Variants in PTPRN2 observed in about 807,000 individuals in gnomAD.
PTPRN2 encodes receptor-type tyrosine-protein phosphatase N2.
A neutral mutation model predicts 118.8 loss-of-function variants in PTPRN2; 74 were observed. The ratio of observed to expected loss-of-function variants is 0.62; its 90% CI spans 0.52 to 0.76. PTPRN2 has a LOEUF of 0.76. Among genes scored for constraint, PTPRN2 ranks in the 30% least tolerant of loss-of-function variants. The pLI is 0.00. For synonymous variants in PTPRN2, 641 were observed against 608.0 expected, an observed-to-expected ratio of 1.05 and a Z score of -0.80; for missense variants, 1,481 against 1,394.4, an observed-to-expected ratio of 1.06 and a Z score of -0.99.
chr7:157,625,796 C>T (rs1439174255), intron 14 of PTPRN2, among the ~76,000 whole-genome samples: 2 of 152,012 alleles, frequency 1.3e-5, no homozygotes, highest in Non-Finnish European at 2.9e-5. Context: ...TAGATGAGTG[C>T]ATGTGTGAGA....
intron 19 of PTPRN2, among the ~76,000 whole-genome samples, chr7:157,575,201 G>A (rs944993852): frequency 3.3e-5 from 5 of 152,192 alleles, no homozygotes; most frequent in Admixed American, 6.5e-5. Flanking sequence ...ATGAATTGCC[G>A]TCTTTGTAGT....
At chr7:158,472,723 G>A (rs1819951981) in intron 2 of PTPRN2, among the ~76,000 whole-genome samples, 1 of 152,166 alleles carries the variant, frequency 6.6e-6, no homozygotes, top group Non-Finnish European at 1.5e-5. Context: ...TCAAAAGACA[G>A]AGCAGACCAA....
intron 11 of PTPRN2, among the ~76,000 whole-genome samples, chr7:157,939,815 C>A (rs1799934901): frequency 6.6e-6 from 1 of 152,154 alleles, no homozygotes; most frequent in South Asian, 2.1e-4. Context: ...GTACTGGGCA[C>A]CCGAGAAGGA....
At chr7:158,471,890 G>T (rs937470690) in intron 2 of PTPRN2, among the ~76,000 whole-genome samples, 3 of 152,230 alleles carry the variant, frequency 2.0e-5, no homozygotes, top group Admixed American at 2.0e-4. Context: ...TGCCCGTTCT[G>T]TCGGCTGAGA....
At chr7:157,771,895 GAC>G (rs1270989408) in intron 12 of PTPRN2, among the ~76,000 whole-genome samples, 5 of 147,416 alleles carry the variant, frequency 3.4e-5, no homozygotes, top group Non-Finnish European at 6.0e-5. Context: ...CACAGACACA[GAC>G]ACAAACACAC....
At chr7:158,515,036 C>T (rs1467906948) in intron 1 of PTPRN2, among the ~76,000 whole-genome samples, 1 of 152,152 alleles carries the variant, frequency 6.6e-6, no homozygotes, top group Non-Finnish European at 1.5e-5. Flanking sequence ...TTGTGCCGAA[C>T]ATTTACGATG....
chr7:158,108,523 C>T (rs1190401404), intron 10 of PTPRN2, among the ~76,000 whole-genome samples: 1 of 152,214 alleles, frequency 6.6e-6, no homozygotes, highest in Non-Finnish European at 1.5e-5. Flanking sequence ...GTATGGAGCC[C>T]CCTGTCCCTC....
chr7:158,146,998 C>T (rs1380105147), intron 6 of PTPRN2, among the ~76,000 whole-genome samples: 54 of 43,348 alleles, frequency 1.2e-3, no homozygotes, highest in African/African-American at 4.3e-3. Flanking sequence ...CTCAATGACA[C>T]CCCATCTCAC....
intron 13 of PTPRN2, among the ~76,000 whole-genome samples, chr7:157,666,813 C>T (rs1796157712): frequency 6.6e-6 from 1 of 152,208 alleles, no homozygotes; most frequent in Non-Finnish European, 1.5e-5. Context: ...TGACACTGAT[C>T]TCAGGTGGGT....
At chr7:157,743,395 G>A (rs540881213) in intron 12 of PTPRN2, among the ~76,000 whole-genome samples, 4 of 152,332 alleles carry the variant, frequency 2.6e-5, no homozygotes, top group South Asian at 2.1e-4. Context: ...CAATCGGTGC[G>A]GCGGGCTATG....
intron 12 of PTPRN2, among the ~76,000 whole-genome samples, chr7:157,735,067 C>CT (rs1165674474): frequency 6.6e-6 from 1 of 152,268 alleles, no homozygotes; most frequent in Non-Finnish European, 1.5e-5. Context: ...CCGAGAGCAC[C>CT]TGGCCTGGTG....
intron 6 of PTPRN2, among the ~76,000 whole-genome samples, chr7:158,146,753 A>G (rs974623903): frequency 5.3e-5 from 8 of 151,402 alleles, no homozygotes; most frequent in African/African-American, 1.9e-4. Context: ...AAAAGAAACA[A>G]TAGAAAATTA....
intron 13 of PTPRN2, among the ~76,000 whole-genome samples, chr7:157,679,976 A>G (rs376777690): frequency 3.1e-4 from 47 of 152,336 alleles, no homozygotes; most frequent in African/African-American, 1.1e-3. Context: ...CCACTCCATC[A>G]GAACACCTCT....
At position 157,874,261 on chromosome 7, in the gene PTPRN2, C is replaced by T. The variant is rs114404134; in HGVS notation, c.1788+24412G>A. ...CTTCACCCCAACACTCCATGGCTCC[C>T]CATGGCCTGCAAATCAGATCACAGC... On this transcript the variant is annotated intron_variant, in intron 12 of 22. Coordinates refer to ENST00000389418, the MANE Select transcript of PTPRN2 (RefSeq NM_002847.5). This position sits in a 1 kb window ranked among gnomAD's most constrained non-coding sequence, Gnocchi z 5.8. 1.2e-3 allele frequency among the ~76,000 whole-genome samples: 188 copies of T among 152,292 alleles called. No individual in the cohort carries two copies. The highest frequency in any genetic ancestry group is 4.4e-3 in the African/African-American group (183 of 41,562).
rs554285427 is a variant in PTPRN2 at position 157,747,470 on chromosome 7, G to C, written c.1789-64533C>G. On this transcript the variant is annotated intron_variant, in intron 12 of 22. Transcript: ENST00000389418. ...GAGGCCTGCGTCCCTGAGCTGTGGG[G>C]TGTCCGCGTGATTCTGAGGCCTGCG... 7.1e-4 allele frequency among the ~76,000 whole-genome samples: 66 copies of C among 92,470 alleles called. 2 individuals are homozygous for C. Among genetic ancestry groups the C allele is most frequent in the African/African-American group, 2.5e-3 (49 of 19,990 alleles). The allele number at this position is 92,470 out of a possible 152,430, so 60.7% of individuals were successfully genotyped here. A position where few individuals can be genotyped will look rare whatever the true frequency, so the allele number is the denominator to read the frequency against.
chr7:158,359,568 A>G (rs2151285889), intron 2 of PTPRN2, among the ~76,000 whole-genome samples: 1 of 152,254 alleles, frequency 6.6e-6, no homozygotes, highest in African/African-American at 2.4e-5. Context: ...CAACACCGCG[A>G]CACTCTAGGT....
At chr7:157,569,320 G>A (rs1000318403) in intron 20 of PTPRN2, among the ~76,000 whole-genome samples, 1 of 152,244 alleles carries the variant, frequency 6.6e-6, no homozygotes, top group African/African-American at 2.4e-5. Context: ...CATTTGTATT[G>A]AAAATATCTG....
chr7:158,310,787 T>C (rs1801654007), intron 3 of PTPRN2, among the ~76,000 whole-genome samples: 1 of 145,176 alleles, frequency 6.9e-6, no homozygotes, highest in Non-Finnish European at 1.5e-5. Flanking sequence ...GGGCGAGCCC[T>C]GAGCCGGACA....
intron 22 of PTPRN2, among the ~76,000 whole-genome samples, 197 bp downstream of exon 22, chr7:157,548,749 C>G (rs1798448890): frequency 6.6e-6 from 1 of 152,118 alleles, no homozygotes; most frequent in Non-Finnish European, 1.5e-5. Context: ...GGAGGTGTTG[C>G]AGGAAACGCC....
Sources: allele counts gnomAD v4.1 joint callset (sites outside exome capture counted in the v4.1 genomes callset), GRCh38; gene constraint gnomAD v4.1.1; non-coding constraint Gnocchi (gnomAD v3.1); transcripts MANE v1.5; gene names NCBI Gene and HGNC (gene_info 2026-07-23, HGNC 2026-07-21).